KIF6: variants seen among roughly 807,000 people sequenced by gnomAD.
KIF6 encodes the protein kinesin family member 6.
Under a neutral mutation model 112.7 loss-of-function variants are expected in KIF6, and 106 were observed. The observed-to-expected ratio is 0.94, with a 90% CI of 0.80 to 1.11. The LOEUF (loss-of-function observed/expected upper bound fraction) is 1.11, where lower values mean the gene tolerates loss of function less well. Among genes scored for constraint, KIF6 ranks in the 50% least tolerant of loss-of-function variants. KIF6 has a pLI of 0.00. For missense variants in KIF6, 929 were observed against 964.0 expected, an observed-to-expected ratio of 0.96 and a Z score of 0.48; for synonymous variants, 339 against 339.9, an observed-to-expected ratio of 1.00 and a Z score of 0.03.
At chr6:39,606,410 C>T (rs1782891815) in intron 6 of KIF6, among the ~76,000 whole-genome samples, 1 of 152,026 alleles carries the variant, frequency 6.6e-6, no homozygotes, top group Non-Finnish European at 1.5e-5. Flanking sequence ...GTTCCTTAGC[C>T]CTGACACCTA....
intron 10 of KIF6, among the ~76,000 whole-genome samples, chr6:39,551,387 A>G (rs548967541): frequency 9.9e-5 from 15 of 152,282 alleles, no homozygotes; most frequent in African/African-American, 3.1e-4. Flanking sequence ...GTTAATGGGT[A>G]CAAAAATATA....
At chr6:39,404,489 G>T (rs1768940706) in intron 15 of KIF6, among the ~76,000 whole-genome samples, 3 of 152,128 alleles carry the variant, frequency 2.0e-5, no homozygotes, top group Admixed American at 6.5e-5. Context: ...ACAGGTGTGG[G>T]TCTGTTTTTG....
At chr6:39,531,643 G>A (rs978814450) in intron 13 of KIF6, among the ~76,000 whole-genome samples, 1 of 152,064 alleles carries the variant, frequency 6.6e-6, no homozygotes, top group African/African-American at 2.4e-5. Context: ...GGGAAATTGT[G>A]GGGCCAGGGA....
intron 13 of KIF6, among the ~76,000 whole-genome samples, chr6:39,481,005 C>T (rs11963098): frequency 0.061 from 9,245 of 151,956 alleles, 498 homozygotes; most frequent in East Asian, 0.25. Context: ...TTCAAAGAAC[C>T]GGCCTTTTGT....
In KIF6 at chr6:39,378,333, T is replaced by A. The variant is rs377627693; in HGVS notation, c.1861+7289A>T. The stretch of plus-strand genomic sequence containing the variant: ...ACACACATACAACACATACAACATA[T>A]CCAACATACCACATACACACATACC... On this transcript the variant is annotated intron_variant, in intron 16 of 22. Coordinates refer to ENST00000287152, the MANE Select transcript of KIF6 (RefSeq NM_145027.6). This position sits in a 1 kb window ranked among gnomAD's most constrained non-coding sequence, Gnocchi z 5.0. Among the ~76,000 whole-genome samples the A allele has an allele frequency of 2.0e-5, 3 of 150,646 alleles. No homozygotes were observed. The East Asian group carries it at 5.9e-4, about 29-fold the overall frequency.
At chr6:39,510,872 C>CAAA (rs1180631310) in intron 13 of KIF6, among the ~76,000 whole-genome samples, 90 of 23,852 alleles carry the variant, frequency 3.8e-3, no homozygotes, top group South Asian at 5.3e-3. Flanking sequence ...AAATGGGAAG[C>CAAA]AAAAAAAAAA....
At chr6:39,522,536 C>T (rs940852565) in intron 13 of KIF6, among the ~76,000 whole-genome samples, 3 of 152,182 alleles carry the variant, frequency 2.0e-5, no homozygotes, top group African/African-American at 7.2e-5. Flanking sequence ...TACTTCTTTA[C>T]CTCCTAGTTG....
chr6:39,593,414 C>T (rs916037108), intron 7 of KIF6, among the ~76,000 whole-genome samples: 10 of 152,052 alleles, frequency 6.6e-5, no homozygotes, highest in Non-Finnish European at 7.4e-5. Context: ...TCTCTTCTAC[C>T]GACCTACTTG....
At chr6:39,716,463 G>A (rs1204066097) in intron 2 of KIF6, among the ~76,000 whole-genome samples, 1 of 151,998 alleles carries the variant, frequency 6.6e-6, no homozygotes. Context: ...TATATATTAA[G>A]CATCAAATGT....
chr6:39,462,280 C>T (rs533644870), intron 13 of KIF6, among the ~76,000 whole-genome samples: 13 of 152,330 alleles, frequency 8.5e-5, no homozygotes, highest in African/African-American at 3.1e-4. Context: ...ATTCCTTCCT[C>T]CTTCCTGCCT....
chr6:39,432,424 TG>T (rs1398741596), intron 13 of KIF6, among the ~76,000 whole-genome samples: 4 of 152,286 alleles, frequency 2.6e-5, no homozygotes, highest in Middle Eastern at 3.4e-3. Flanking sequence ...TCCTCTTGCC[TG>T]GAAAAAACTC....
intron 5 of KIF6, chr6:39,617,864 A>G: frequency 2.4e-6 from 1 of 408,646 alleles, no homozygotes; most frequent in East Asian, 7.3e-5. Flanking sequence ...CACATGTTGT[A>G]AACATAGTCC....
At position 39,639,759 on chromosome 6, in the gene KIF6, T is replaced by C; in HGVS notation, c.252-2A>G. On this transcript the variant is annotated splice_acceptor_variant, in intron 3 of 22. Transcript: ENST00000287152. LOFTEE classifies it high-confidence loss of function. ...GTACCATTGTAACCTGCCAGGACAC[T>C]GCAATAAAGAAATGACACACTTTCA... 1.2e-6 allele frequency: 2 copies of C among 1,606,678 alleles called. No homozygotes were observed. The highest frequency in any genetic ancestry group is 1.3e-5 in the African/African-American group (1 of 74,654).
intron 10 of KIF6, among the ~76,000 whole-genome samples, chr6:39,558,234 T>C (rs1779826389): frequency 1.3e-5 from 2 of 152,164 alleles, no homozygotes; most frequent in African/African-American, 4.8e-5. Context: ...ACGGGTTTGA[T>C]TTGTTGATAT....
chr6:39,613,111 C>CTTT (rs144405585), intron 6 of KIF6, 78 bp downstream of exon 6: 12 of 1,079,892 alleles, frequency 1.1e-5, no homozygotes, highest in Non-Finnish European at 1.1e-5. Context: ...TCTATTATAT[C>CTTT]TTTTTTTTTT....
At chr6:39,474,893 T>C (rs1443351047) in intron 13 of KIF6, among the ~76,000 whole-genome samples, 1 of 151,682 alleles carries the variant, frequency 6.6e-6, no homozygotes, top group African/African-American at 2.4e-5. Flanking sequence ...CCAGACATAT[T>C]GATTACTCAT....
intron 13 of KIF6, among the ~76,000 whole-genome samples, chr6:39,433,746 G>A (rs1771322781): frequency 1.3e-5 from 2 of 152,220 alleles, no homozygotes; most frequent in African/African-American, 4.8e-5. Flanking sequence ...CAGGATGCCT[G>A]CAGAGACTTC....
At chr6:39,400,403 C>G (rs2150338205) in intron 15 of KIF6, among the ~76,000 whole-genome samples, 1 of 152,312 alleles carries the variant, frequency 6.6e-6, no homozygotes, top group South Asian at 2.1e-4. Flanking sequence ...TAAATGTGTT[C>G]CTTTTTGCCC....
chr6:39,678,847 C>T (rs183365302), intron 3 of KIF6, among the ~76,000 whole-genome samples: 123 of 152,214 alleles, frequency 8.1e-4, no homozygotes, highest in Non-Finnish European at 3.5e-4. Flanking sequence ...ATTTTGGAGT[C>T]TTTACAATAG....
Sources: allele counts gnomAD v4.1 joint callset (sites outside exome capture counted in the v4.1 genomes callset), GRCh38; gene constraint gnomAD v4.1.1; non-coding constraint Gnocchi (gnomAD v3.1); transcripts MANE v1.5; gene names NCBI Gene and HGNC (gene_info 2026-07-23, HGNC 2026-07-21).